Variants in INPP4B observed in about 807,000 individuals in gnomAD.
INPP4B encodes inositol polyphosphate-4-phosphatase type II B.
INPP4B carries 55 observed loss-of-function variants against 122.5 expected under a neutral mutation model. That is an observed-to-expected ratio of 0.45 (90% CI 0.36 to 0.56). The LOEUF (loss-of-function observed/expected upper bound fraction) is 0.56, where lower values mean the gene tolerates loss of function less well. Ranked by LOEUF, INPP4B falls within the 20% of genes least tolerant of loss-of-function variation. The pLI is 0.00. For missense variants in INPP4B, 1,000 were observed against 1,097.7 expected, an observed-to-expected ratio of 0.91 and a Z score of 1.26; for synonymous variants, 403 against 388.7, an observed-to-expected ratio of 1.04 and a Z score of -0.43.
intron 2 of INPP4B, among the ~76,000 whole-genome samples, chr4:142,626,072 G>A (rs1282653279): frequency 6.6e-6 from 1 of 152,114 alleles, no homozygotes; most frequent in African/African-American, 2.4e-5. Flanking sequence ...CATAGGCATG[G>A]GCAAGGACTT....
intron 2 of INPP4B, among the ~76,000 whole-genome samples, chr4:142,510,573 G>C (rs1396793032): frequency 6.6e-6 from 1 of 152,126 alleles, no homozygotes; most frequent in Admixed American, 6.5e-5. Flanking sequence ...AATATTTGTA[G>C]GTAGCTCAGA....
chr4:142,468,492 A>G (rs1255474437), intron 2 of INPP4B, among the ~76,000 whole-genome samples: 2 of 152,154 alleles, frequency 1.3e-5, no homozygotes, highest in Admixed American at 1.3e-4. Context: ...TTGATCCCAA[A>G]TGATGGAGAT....
At chr4:142,062,204 G>A (rs1021066370) in intron 25 of INPP4B, among the ~76,000 whole-genome samples, 1 of 151,880 alleles carries the variant, frequency 6.6e-6, no homozygotes, top group Non-Finnish European at 1.5e-5. Flanking sequence ...CGCACCAAGG[G>A]AACATCCTAT....
intron 2 of INPP4B, among the ~76,000 whole-genome samples, chr4:142,547,068 T>C (rs1829724324): frequency 6.6e-6 from 1 of 152,048 alleles, no homozygotes; most frequent in African/African-American, 2.4e-5. Context: ...TTTGATTCTC[T>C]GCACATTTCC....
chr4:142,342,769 CA>C (rs1234277442), intron 7 of INPP4B, among the ~76,000 whole-genome samples: 2 of 152,128 alleles, frequency 1.3e-5, no homozygotes, highest in Admixed American at 1.3e-4. Context: ...TCCTTAATAG[CA>C]GTCTGAACTA....
intron 1 of INPP4B, among the ~76,000 whole-genome samples, chr4:142,812,090 T>TA (rs1188545277): frequency 6.6e-6 from 1 of 152,082 alleles, no homozygotes. Flanking sequence ...CCAAACAGCT[T>TA]AAAATCTAAT....
At chr4:142,417,263 T>A (rs1805966832) in intron 5 of INPP4B, among the ~76,000 whole-genome samples, 1 of 152,140 alleles carries the variant, frequency 6.6e-6, no homozygotes, top group African/African-American at 2.4e-5. Context: ...GGATGCACTG[T>A]AGCCTAGGCA....
intron 2 of INPP4B, among the ~76,000 whole-genome samples, chr4:142,676,385 G>A (rs1004097326): frequency 2.0e-5 from 3 of 152,088 alleles, no homozygotes; most frequent in Non-Finnish European, 4.4e-5. Flanking sequence ...TCATAGACAG[G>A]AAGAATCAAC....
At chr4:142,336,687 C>CA (rs1172485844) in intron 7 of INPP4B, among the ~76,000 whole-genome samples, 8 of 152,172 alleles carry the variant, frequency 5.3e-5, no homozygotes, top group Non-Finnish European at 1.2e-4. Context: ...AGGCGGAAGC[C>CA]AATTGTAGCA....
chr4:142,246,029 C>CATAT (rs1728367267), intron 11 of INPP4B, among the ~76,000 whole-genome samples: 3 of 133,162 alleles, frequency 2.3e-5, no homozygotes, highest in African/African-American at 9.0e-5. Flanking sequence ...TGTATGTACA[C>CATAT]ACACGTGTGT....
intron 1 of INPP4B, among the ~76,000 whole-genome samples, chr4:142,767,426 T>C (rs374239756): frequency 3.3e-5 from 5 of 152,170 alleles, no homozygotes; most frequent in African/African-American, 1.2e-4. Flanking sequence ...ATAAACCTCA[T>C]TGAGCATAGA....
chr4:142,116,829 G>A (rs991138417), intron 21 of INPP4B, among the ~76,000 whole-genome samples: 1 of 151,990 alleles, frequency 6.6e-6, no homozygotes. Context: ...AACTGAAGGA[G>A]ATAGAGACAC....
chr4:142,684,398 T>C (rs958401454), intron 2 of INPP4B, among the ~76,000 whole-genome samples: 3 of 152,066 alleles, frequency 2.0e-5, no homozygotes, highest in African/African-American at 2.4e-5. Context: ...GAGCACATGC[T>C]TGGTTATCTG....
At chr4:142,411,843 G>T (rs2149248353) in intron 5 of INPP4B, among the ~76,000 whole-genome samples, 1 of 152,280 alleles carries the variant, frequency 6.6e-6, no homozygotes, top group South Asian at 2.1e-4. Flanking sequence ...AGTGAGCTGA[G>T]ATTGCACCAC....
chr4:142,280,455 C>A (rs1750669336), intron 9 of INPP4B, among the ~76,000 whole-genome samples: 2 of 152,078 alleles, frequency 1.3e-5, no homozygotes, highest in South Asian at 2.1e-4. Flanking sequence ...ATATACTATA[C>A]AATTCAATTT....
At chr4:142,032,840 C>A (rs1364587042) in intron 25 of INPP4B, among the ~76,000 whole-genome samples, 1 of 152,108 alleles carries the variant, frequency 6.6e-6, no homozygotes, top group African/African-American at 2.4e-5. Context: ...ATGCCTATAG[C>A]AAGCATTCAA....
chr4:142,384,218 A>T (rs1037727069), intron 7 of INPP4B: 2 of 674,724 alleles, frequency 3.0e-6, no homozygotes, highest in African/African-American at 3.6e-5. Flanking sequence ...GAAATACCTT[A>T]GAAAAAACAG....
chr4:142,483,264 A>G (rs1820802773), intron 2 of INPP4B, among the ~76,000 whole-genome samples: 1 of 145,514 alleles, frequency 6.9e-6, no homozygotes, highest in Non-Finnish European at 1.5e-5. Flanking sequence ...AGATATTCAA[A>G]GCACACAATC....
intron 2 of INPP4B, among the ~76,000 whole-genome samples, chr4:142,697,100 G>A (rs1411778564): frequency 6.6e-6 from 1 of 152,148 alleles, no homozygotes; most frequent in Non-Finnish European, 1.5e-5. Context: ...TACATGTGAT[G>A]TTGATGTCAA....
Sources: gnomAD v4.1 joint callset for allele counts (sites outside exome capture counted in the v4.1 genomes callset) on GRCh38, gnomAD v4.1.1 for gene constraint, MANE v1.5 for transcripts, NCBI Gene and HGNC (gene_info 2026-07-23, HGNC 2026-07-21) for gene names.